Variants in DAXX observed in about 807,000 individuals in gnomAD.
DAXX encodes the protein death domain-associated protein 6.
In DAXX, 24 loss-of-function variants were observed where a neutral mutation model predicts 61.9. The ratio of observed to expected loss-of-function variants is 0.39; its 90% CI spans 0.28 to 0.55. The LOEUF (loss-of-function observed/expected upper bound fraction) is 0.55, where lower values mean the gene tolerates loss of function less well. DAXX is among the 20% of genes least tolerant of loss of function. The pLI, the probability that DAXX is intolerant of heterozygous loss-of-function variation, is 0.69. For synonymous variants in DAXX, 357 were observed against 369.5 expected, an observed-to-expected ratio of 0.97 and a Z score of 0.39; for missense variants, 819 against 935.3, an observed-to-expected ratio of 0.88 and a Z score of 1.62.
intron 7 of DAXX, 25 bp from the exon 8 acceptor site, chr6:33,318,827 G>GTT: frequency 7.0e-7 from 1 of 1,438,656 alleles, no homozygotes; most frequent in Non-Finnish European, 9.6e-7. Flanking sequence ...GAGACAAAGA[G>GTT]TCAAAGAGAT....
In DAXX at chr6:33,319,000, G is replaced by C. The variant is rs376435137; in HGVS notation, c.2160C>G (p.Cys720Trp). Residue 720 changes from cysteine (C) to tryptophan (W), a missense_variant, in exon 7 of 8, where the codon TGC becomes TGG. Coordinates refer to ENST00000374542, the MANE Select transcript of DAXX (RefSeq NM_001141969.2). ...PHSQPPRPGTCKTSVATQCDP... is the reference protein window; with the variant it reads ...PHSQPPRPGTWKTSVATQCDP... Reference sequence around the variant, plus strand: ...AAACACGCCCTCCCCTTCTTACCTTGCAAGTACCAGGCCGAGGAGGCTGTG... The same window carrying C: ...AAACACGCCCTCCCCTTCTTACCTTCCAAGTACCAGGCCGAGGAGGCTGTG... The C allele has an allele frequency of 1.2e-6, 2 of 1,611,984 alleles. No homozygotes were observed. The highest frequency in any genetic ancestry group is 1.7e-6 in the Non-Finnish European group (2 of 1,178,962).
chr6:33,322,588 T>A, intron 1 of DAXX: 9 of 234,468 alleles, frequency 3.8e-5, no homozygotes, highest in East Asian at 1.0e-4. Context: ...ATTTTCCCCA[T>A]TCTCTCGGTG....
rs2150996597 is a variant in DAXX, at chr6:33,321,263, G to A, written c.512C>T (p.Ala171Val). The stretch of plus-strand genomic sequence containing the variant: ...TGGAGACTGAGAGGCAGTGTTTTCA[G>A]CATTTGTGGGGTCCAAGGAGAGGTG... ...PTHLSLDPTN[A>V]ENTASQSPRT... Residue 171 changes from alanine (A) to valine (V), a missense_variant, in exon 3 of 8, where the codon GCT (alanine) becomes GTT (valine). By Grantham distance (64) the Ala-to-Val change is moderately conservative (BLOSUM62 0). Transcript: ENST00000374542. The surrounding 1 kb of genome is among the most constrained non-coding windows in gnomAD (Gnocchi z 7.2). 6.2e-7 allele frequency: 1 copy of A among 1,613,412 alleles called. No individual in the cohort carries two copies. The highest frequency in any genetic ancestry group is 8.5e-7 in the Non-Finnish European group (1 of 1,179,326).
intron 1 of DAXX, chr6:33,322,499 C>T (rs1041366809): frequency 1.4e-5 from 3 of 220,104 alleles, no homozygotes; most frequent in Non-Finnish European, 2.8e-5. Flanking sequence ...CCATATTTCA[C>T]CCTCCGATGA....
rs763324182 is a variant in DAXX at position 33,320,448 on chromosome 6, T to G, written c.1183A>C (p.Arg395=). The change falls in exon 4 of 8, where the codon AGA becomes CGA. Residue 395 remains arginine (R), a synonymous_variant. Transcript: ENST00000374542. This position sits in a 1 kb window ranked among gnomAD's most constrained non-coding sequence, Gnocchi z 7.1. ...GAAGAGGTGCCTTGGAGCCGAGCTC[T>G]TCTCTTTTTTCTCTCGCCCTCCTCA... The part of the protein sequence containing the change: ...KSEEGERKKR[R]ARLQGTSSHS... The G allele has an allele frequency of 1.2e-6, 2 of 1,613,888 alleles. No individual in the cohort carries two copies. Among genetic ancestry groups the G allele is most frequent in the East Asian group, 4.5e-5 (2 of 44,888 alleles).
At position 33,321,597 on chromosome 6, in the gene DAXX, A is replaced by C. The variant is rs1381751595; in HGVS notation, c.208-30T>G. On this transcript the variant is annotated intron_variant, in intron 2 of 7. Coordinates refer to ENST00000374542, the MANE Select transcript of DAXX (RefSeq NM_001141969.2). This position sits in a 1 kb window ranked among gnomAD's most constrained non-coding sequence, Gnocchi z 7.2. The stretch of plus-strand genomic sequence containing the variant: ...AAGGTTCAGGGGAAGAAGGAAGGGG[A>C]AGAGAGACAAGGGAGGGGGTTGAGA... 6.2e-7 allele frequency: 1 copy of C among 1,605,238 alleles called. No homozygotes were observed. The highest frequency in any genetic ancestry group is 8.5e-7 in the Non-Finnish European group (1 of 1,173,588).
rs750300862 is a variant in DAXX, at chr6:33,320,901, C to G, written c.874G>C (p.Ala292Pro). The change falls in exon 3 of 8, where the codon GCT (alanine) becomes CCT (proline). Residue 292 changes from alanine (A) to proline (P), a missense_variant. Coordinates refer to ENST00000374542, the MANE Select transcript of DAXX (RefSeq NM_001141969.2). The surrounding 1 kb of genome is among the most constrained non-coding windows in gnomAD (Gnocchi z 7.1). ...TFPDYGDVLRAVEKAAARHSL... is the reference protein window; with the variant it reads ...TFPDYGDVLRPVEKAAARHSL... The stretch of plus-strand genomic sequence containing the variant: ...TGTCGGGCAGCTGCCTTCTCTACAG[C>G]CCGAAGCACATCCCCATAGTCAGGG... The G allele has an allele frequency of 6.2e-7, 1 of 1,614,202 alleles. No individual in the cohort carries two copies. Among genetic ancestry groups the G allele is most frequent in the Non-Finnish European group, 8.5e-7 (1 of 1,180,026 alleles).
Position 33,321,670 on chromosome 6 carries a change from C to G in DAXX, c.207+49G>C. 7 of 1,601,608 alleles carry G rather than the reference C, an allele frequency of 4.4e-6. No individual in the cohort carries two copies. The highest frequency in any genetic ancestry group is 6.0e-6 in the Non-Finnish European group (7 of 1,171,442). On this transcript the variant is annotated intron_variant, in intron 2 of 7. Coordinates refer to ENST00000374542, the MANE Select transcript of DAXX (RefSeq NM_001141969.2). The surrounding 1 kb of genome is among the most constrained non-coding windows in gnomAD (Gnocchi z 7.2). ...GGAAAGAAAGGACAGGAGAACCAGT[C>G]AGCCATCCCCCTCCCTGGGGTACAA... is the stretch of plus-strand genomic sequence containing the variant.
Position 33,319,092 on chromosome 6 carries a change from T to G in DAXX, c.2068A>C (p.Ser690Arg). The G allele has an allele frequency of 6.2e-7, 1 of 1,614,122 alleles. No individual in the cohort carries two copies. The highest frequency in any genetic ancestry group is 8.5e-7 in the Non-Finnish European group (1 of 1,180,028). The change falls in exon 7 of 8, where the codon AGC becomes CGC. Residue 690 changes from serine to arginine, a missense_variant. By Grantham distance (110) the Ser-to-Arg change is moderately radical. Transcript: ENST00000374542. ...ADSSTRVDSP[S>R]HGLVTSSLCI... ...AGGGAGCTGGTCACCAGGCCATGGC[T>G]GGGAGAGTCCACCCTCGTGGAGGAA...
In DAXX at chr6:33,319,727, C is replaced by T. The variant is rs61748592; in HGVS notation, c.1593G>A (p.Ser531=). The change falls in exon 6 of 8, where the codon TCG becomes TCA. Residue 531 remains serine (S), a synonymous_variant. Transcript: ENST00000374542. ...QQNKGRIVSP[S]LLSEEPLAPS... ...GGGCCAGGGGTTCTTCTGACAGTAACGATGGTGACACTATGCGTCCTTTGT... is the reference window on the plus strand; with the variant it reads ...GGGCCAGGGGTTCTTCTGACAGTAATGATGGTGACACTATGCGTCCTTTGT... 5.9e-4 allele frequency: 951 copies of T among 1,614,202 alleles called. 6 individuals are homozygous for T. In the African/African-American group the frequency reaches 9.0e-3, roughly 15 times the overall value.
chr6:33,319,909 T>G (rs1770332675), intron 5 of DAXX, 55 bp from the exon 6 acceptor site: 1 of 1,594,752 alleles, frequency 6.3e-7, no homozygotes, highest in African/African-American at 1.3e-5. Context: ...GAAAAAATAC[T>G]GCTGAGAGGA....
Position 33,320,907 on chromosome 6 carries a change from G to A in DAXX, c.868C>T (p.Leu290Phe). 2 of 1,614,182 alleles carry A rather than the reference G, an allele frequency of 1.2e-6. No individual in the cohort carries two copies. Among genetic ancestry groups the A allele is most frequent in the Non-Finnish European group, 1.7e-6 (2 of 1,180,020 alleles). ...PDTFPDYGDV[L>F]RAVEKAAARH... Reference sequence around the variant, plus strand: ...GCAGCTGCCTTCTCTACAGCCCGAAGCACATCCCCATAGTCAGGGAAGGTA... The same window carrying A: ...GCAGCTGCCTTCTCTACAGCCCGAAACACATCCCCATAGTCAGGGAAGGTA... Residue 290 changes from leucine to phenylalanine, a missense_variant, in exon 3 of 8, where the codon CTT (leucine) becomes TTT (phenylalanine). Coordinates refer to ENST00000374542, the MANE Select transcript of DAXX (RefSeq NM_001141969.2). This position sits in a 1 kb window ranked among gnomAD's most constrained non-coding sequence, Gnocchi z 7.1.
rs146304558 is a variant in DAXX at position 33,320,019 on chromosome 6, G to T, written c.1457C>A (p.Ala486Glu). 2 of 1,613,698 alleles carry T rather than the reference G, an allele frequency of 1.2e-6. No homozygotes were observed. The highest frequency in any genetic ancestry group is 1.7e-5 in the Admixed American group (1 of 59,914). Residue 486 changes from alanine to glutamate, a missense_variant, in exon 5 of 8, where the codon GCA becomes GAA. Coordinates refer to ENST00000374542, the MANE Select transcript of DAXX (RefSeq NM_001141969.2). The surrounding 1 kb of genome is among the most constrained non-coding windows in gnomAD (Gnocchi z 7.1). The part of the protein sequence containing the change: ...DDEEEDEEEE[A>E]AAGKDGDKSP... ...ATGTTCCCTTGACATACCTGCTGCT[G>T]CTTCTTCCTCTTCGTCCTCCTCTTC... is the stretch of plus-strand genomic sequence containing the variant.
Position 33,321,741 on chromosome 6 carries a change from T to A in DAXX, c.185A>T (p.Glu62Val). Residue 62 changes from glutamate (E) to valine (V), a missense_variant, in exon 2 of 8, where the codon GAG (glutamate) becomes GTG (valine). By Grantham distance (121) the Glu-to-Val change is moderately radical. Coordinates refer to ENST00000374542, the MANE Select transcript of DAXX (RefSeq NM_001141969.2). This position sits in a 1 kb window ranked among gnomAD's most constrained non-coding sequence, Gnocchi z 7.2. ...SSGGKKCYKLENEKLFEEFLE... is the reference protein window; with the variant it reads ...SSGGKKCYKLVNEKLFEEFLE... The stretch of plus-strand genomic sequence containing the variant: ...CACCTCTTCGAACAGCTTCTCATTC[T>A]CCAGCTTGTAGCATTTCTTGCCGCC... 6.2e-7 allele frequency: 1 copy of A among 1,613,464 alleles called. No individual in the cohort carries two copies. Among genetic ancestry groups the A allele is most frequent in the Non-Finnish European group, 8.5e-7 (1 of 1,179,900 alleles).
In DAXX at chr6:33,319,749, T is replaced by C. The variant is rs1386092753; in HGVS notation, c.1571A>G (p.Lys524Arg). Residue 524 changes from lysine (K) to arginine (R), a missense_variant, in exon 6 of 8, where the codon AAA (lysine) becomes AGA (arginine). Physicochemically the swap from Lys to Arg is conservative, Grantham distance 26. Transcript: ENST00000374542. ...TAACGATGGTGACACTATGCGTCCT[T>C]TGTTTTGCTGCTCCCCTGAAGATCT... ...ISRSSGEQQN[K>R]GRIVSPSLLS... The C allele has an allele frequency of 6.2e-7, 1 of 1,614,082 alleles. No homozygotes were observed. The highest frequency in any genetic ancestry group is 1.7e-5 in the Admixed American group (1 of 60,000).
chr6:33,321,426 G>A lies in DAXX; in HGVS notation c.349C>T (p.Arg117Trp), dbSNP rs1160519056. The change falls in exon 3 of 8, where the codon CGG becomes TGG. Residue 117 changes from arginine to tryptophan, a missense_variant. Arg to Trp is a moderately radical substitution (Grantham distance 101, BLOSUM62 -3). Coordinates refer to ENST00000374542, the MANE Select transcript of DAXX (RefSeq NM_001141969.2). The surrounding 1 kb of genome is among the most constrained non-coding windows in gnomAD (Gnocchi z 7.2). ...ACATAGAGCTTGGCTGGCCGGCTCC[G>A]GGCCCGAGACAGGACCCTAGAGAGG... ...NILSRVLSRARSRPAKLYVYI... is the reference protein window; with the variant it reads ...NILSRVLSRAWSRPAKLYVYI... 3.1e-5 allele frequency: 50 copies of A among 1,613,830 alleles called. No homozygotes were observed. The highest frequency in any genetic ancestry group is 3.3e-4 in the Middle Eastern group (2 of 6,084).
rs1252243544 is a variant in DAXX, at chr6:33,320,428, G to A, written c.1203C>T (p.Thr401=). The change falls in exon 4 of 8, where the codon ACC becomes ACT. Residue 401 remains threonine (T), a synonymous_variant. Transcript: ENST00000374542. This position sits in a 1 kb window ranked among gnomAD's most constrained non-coding sequence, Gnocchi z 7.1. The part of the protein sequence containing the change: ...RKKRRARLQG[T]SSHSADTPEA... ...CGGGGGTGTCTGCAGAGTGGGAAGAGGTGCCTTGGAGCCGAGCTCTTCTCT... is the reference window on the plus strand; with the variant it reads ...CGGGGGTGTCTGCAGAGTGGGAAGAAGTGCCTTGGAGCCGAGCTCTTCTCT... The A allele has an allele frequency of 1.1e-5, 18 of 1,613,788 alleles. 1 individual carries two copies. In the Middle Eastern group the frequency reaches 8.2e-4, roughly 74 times the overall value.
Position 33,320,406 on chromosome 6 carries a change from G to C in DAXX, c.1225C>G (p.Pro409Ala), listed in dbSNP as rs572832375. The C allele has an allele frequency of 1.2e-6, 2 of 1,612,710 alleles. No homozygotes were observed. The highest frequency in any genetic ancestry group is 1.1e-5 in the South Asian group (1 of 91,058). ...TCACCAGAATCCAAGGAGGCTTCGG[G>C]GGTGTCTGCAGAGTGGGAAGAGGTG... is the stretch of plus-strand genomic sequence containing the variant. ...QGTSSHSADT[P>A]EASLDSGEGP... Residue 409 changes from proline to alanine, a missense_variant, in exon 4 of 8, where the codon CCC becomes GCC. By Grantham distance (27) the Pro-to-Ala change is conservative. Transcript: ENST00000374542. This position sits in a 1 kb window ranked among gnomAD's most constrained non-coding sequence, Gnocchi z 7.1.
rs1462115309 is a variant in DAXX at position 33,321,748 on chromosome 6, T to A, written c.178A>T (p.Lys60Ter). The change falls in exon 2 of 8, where the codon AAG (lysine) becomes TAG (stop). Residue 60 changes from lysine to a stop codon, truncating the protein, a stop_gained. Coordinates refer to ENST00000374542, the MANE Select transcript of DAXX (RefSeq NM_001141969.2). LOFTEE classifies it high-confidence loss of function. The surrounding 1 kb of genome is among the most constrained non-coding windows in gnomAD (Gnocchi z 7.2). ...TCGAACAGCTTCTCATTCTCCAGCT[T>A]GTAGCATTTCTTGCCGCCCGAACTA... ...SSSSGGKKCY[K>*]LENEKLFEEF... The A allele has an allele frequency of 6.2e-7, 1 of 1,613,466 alleles. No homozygotes were observed. The highest frequency in any genetic ancestry group is 8.5e-7 in the Non-Finnish European group (1 of 1,179,900).
Sources: gnomAD v4.1 joint callset for allele counts on GRCh38, gnomAD v4.1.1 for gene constraint, Gnocchi (gnomAD v3.1) non-coding constraint, MANE v1.5 for transcripts, NCBI Gene and HGNC (gene_info 2026-07-23, HGNC 2026-07-21) for gene names.